RBFOX1: variants seen among roughly 807,000 people sequenced by gnomAD.
The protein encoded by RBFOX1 is RNA binding fox-1 homolog 1.
Under a neutral mutation model 57.7 loss-of-function variants are expected in RBFOX1, and 8 were observed. The ratio of observed to expected loss-of-function variants is 0.14; its 90% CI spans 0.08 to 0.25. RBFOX1 has a LOEUF of 0.25. Among genes scored for constraint, RBFOX1 ranks in the 10% least tolerant of loss-of-function variants. The pLI is 1.00. For missense variants in RBFOX1, 611 were observed against 548.5 expected (o/e 1.11, Z -1.14); for synonymous variants, 326 against 222.4 (o/e 1.47, Z -4.15).
chr16:5,596,658 G>A (rs1282544816), intron 2 of RBFOX1, among the ~76,000 whole-genome samples: 1 of 152,194 alleles, frequency 6.6e-6, no homozygotes, highest in African/African-American at 2.4e-5. Flanking sequence ...ATCTGCTATT[G>A]CGCTTAACTC....
At chr16:6,168,306 G>C (rs1339795662) in intron 1 of RBFOX1, among the ~76,000 whole-genome samples, 1 of 152,154 alleles carries the variant, frequency 6.6e-6, no homozygotes, top group East Asian at 1.9e-4. Flanking sequence ...ATTTTTTGGA[G>C]GATTTCCCAT....
intron 2 of RBFOX1, among the ~76,000 whole-genome samples, chr16:6,393,816 A>G: frequency 6.6e-6 from 1 of 152,164 alleles, no homozygotes; most frequent in East Asian, 1.9e-4. Context: ...TCATCATGTC[A>G]TCTGGATGAC....
rs556115002 is a variant in RBFOX1 at position 6,597,360 on chromosome 16, A to T, written c.-63-57243A>T. Among the ~76,000 whole-genome samples the T allele has an allele frequency of 2.0e-5, 3 of 152,084 alleles. No individual in the cohort carries two copies. In the East Asian group the frequency reaches 5.8e-4, roughly 29 times the overall value. ...ATCCATCTGGATAAGCCAGATCTTC[A>T]ATATCCTAGCCTCCTTTAAAACCAG... On this transcript the variant is annotated intron_variant, in intron 2 of 15. Coordinates refer to ENST00000550418, the MANE Select transcript of RBFOX1 (RefSeq NM_018723.4).
intron 4 of RBFOX1, among the ~76,000 whole-genome samples, chr16:7,081,190 AC>A (rs2059141201): frequency 6.6e-6 from 1 of 152,178 alleles, no homozygotes; most frequent in Non-Finnish European, 1.5e-5. Context: ...GCACACCACC[AC>A]ACCCAGCTAA....
intron 3 of RBFOX1, among the ~76,000 whole-genome samples, chr16:5,675,297 A>ACAGGGATGAACAGAAGGAAC (rs1327800581): frequency 1.3e-5 from 2 of 152,196 alleles, no homozygotes; most frequent in Non-Finnish European, 2.9e-5. Flanking sequence ...TAAGGAACAG[A>ACAGGGATGAACAGAAGGAAC]AGAAGGGATG....
At chr16:6,689,430 A>T (rs2059902604) in intron 3 of RBFOX1, among the ~76,000 whole-genome samples, 1 of 152,136 alleles carries the variant, frequency 6.6e-6, no homozygotes, top group Admixed American at 6.6e-5. Context: ...TAAAAATATT[A>T]TTTTTATATG....
intron 3 of RBFOX1, among the ~76,000 whole-genome samples, chr16:6,902,816 C>A (rs1265592069): frequency 6.6e-6 from 1 of 152,152 alleles, no homozygotes; most frequent in Non-Finnish European, 1.5e-5. Flanking sequence ...TTAACATTAT[C>A]CATGATTGTA....
At chr16:6,512,464 TGAG>T (rs1035150696) in intron 2 of RBFOX1, among the ~76,000 whole-genome samples, 11 of 152,082 alleles carry the variant, frequency 7.2e-5, no homozygotes, top group Non-Finnish European at 1.5e-5. Context: ...GTCATGGAGT[TGAG>T]GGGTAAGCAT....
intron 3 of RBFOX1, among the ~76,000 whole-genome samples, chr16:7,012,641 A>T (rs940872632): frequency 6.6e-6 from 1 of 152,220 alleles, no homozygotes; most frequent in Non-Finnish European, 1.5e-5. Flanking sequence ...ATGAGATCCA[A>T]CAGACCTTTC....
At chr16:5,782,137 C>T (rs1053232286) in intron 3 of RBFOX1, among the ~76,000 whole-genome samples, 8 of 152,198 alleles carry the variant, frequency 5.3e-5, no homozygotes, top group African/African-American at 1.9e-4. Context: ...CTTGAACCCA[C>T]GAAGTGGAGG....
intron 3 of RBFOX1, among the ~76,000 whole-genome samples, chr16:6,973,386 A>G (rs1471643003): frequency 6.6e-6 from 1 of 152,212 alleles, no homozygotes; most frequent in East Asian, 1.9e-4. Context: ...ATTCAACTAT[A>G]AGAGATAATA....
At chr16:6,833,925 T>G (rs895712613) in intron 3 of RBFOX1, among the ~76,000 whole-genome samples, 2 of 151,946 alleles carry the variant, frequency 1.3e-5, no homozygotes, top group Non-Finnish European at 2.9e-5. Flanking sequence ...CACAGATGAG[T>G]GTGTCCAGAG....
In RBFOX1 at chr16:6,642,803, C is replaced by CT. The variant is rs1318402699; in HGVS notation, c.-63-11798dup. On this transcript the variant is annotated intron_variant, in intron 2 of 15. Transcript: ENST00000550418. ...TATTTACTGTCAGAGAAAATATCCC[C>CT]TTAGGCCCCCTGAAGATTCCTCCAA... 2.6e-5 allele frequency among the ~76,000 whole-genome samples: 4 copies of CT among 152,246 alleles called. No individual in the cohort carries two copies. The East Asian group carries it at 5.8e-4, about 22-fold the overall frequency.
chr16:5,243,005 G>C (rs1410002021), intron 1 of RBFOX1, among the ~76,000 whole-genome samples: 1 of 137,528 alleles, frequency 7.3e-6, no homozygotes, highest in Non-Finnish European at 1.6e-5. Context: ...AGGGTGGAGG[G>C]TGGGGGGCAT....
chr16:6,166,110 A>G (rs978177840), intron 1 of RBFOX1, among the ~76,000 whole-genome samples: 2 of 152,326 alleles, frequency 1.3e-5, no homozygotes, highest in Admixed American at 1.3e-4. Flanking sequence ...GTAAAAATAA[A>G]TAATCAAGAC....
Position 6,796,837 on chromosome 16 carries a change from A to G in RBFOX1, c.-16+142187A>G, listed in dbSNP as rs546857916. 3.3e-5 allele frequency among the ~76,000 whole-genome samples: 5 copies of G among 152,224 alleles called. No homozygotes were observed. In the South Asian group the frequency reaches 1.0e-3, roughly 32 times the overall value. Reference sequence around the variant, plus strand: ...CATTGTTTCTTTGATAAATTTTGGGAATGATAGAAGACAATAAGTTGCATG... The same window carrying G: ...CATTGTTTCTTTGATAAATTTTGGGGATGATAGAAGACAATAAGTTGCATG... On this transcript the variant is annotated intron_variant, in intron 3 of 15. Coordinates refer to ENST00000550418, the MANE Select transcript of RBFOX1 (RefSeq NM_018723.4).
intron 2 of RBFOX1, among the ~76,000 whole-genome samples, chr16:6,455,195 C>T (rs2094739482): frequency 6.6e-6 from 1 of 151,876 alleles, no homozygotes; most frequent in Non-Finnish European, 1.5e-5. Context: ...GCCTGGCCTA[C>T]CAGGTGTTTT....
chr16:6,760,691 G>C (rs1348527898), intron 3 of RBFOX1, among the ~76,000 whole-genome samples: 1 of 152,196 alleles, frequency 6.6e-6, no homozygotes, highest in Non-Finnish European at 1.5e-5. Flanking sequence ...TCTCTGCAAG[G>C]TTTGTATTTA....
chr16:7,514,198 C>T (rs142475526), intron 4 of RBFOX1, among the ~76,000 whole-genome samples: 28 of 152,186 alleles, frequency 1.8e-4, no homozygotes, highest in African/African-American at 5.8e-4. Context: ...AGTACAAAAG[C>T]GGCTACAGAC....
Sources: allele counts gnomAD v4.1 joint callset (sites outside exome capture counted in the v4.1 genomes callset), GRCh38; gene constraint gnomAD v4.1.1; transcripts MANE v1.5; gene names NCBI Gene and HGNC (gene_info 2026-07-23, HGNC 2026-07-21).